The following ATF2 variants were observed in gnomAD, a reference collection of about 807,000 sequenced individuals.
The protein encoded by ATF2 is activating transcription factor 2, also known as cyclic AMP-dependent transcription factor ATF-2.
Under a neutral mutation model 60.6 loss-of-function variants are expected in ATF2, and 24 were observed. The observed-to-expected ratio is 0.40, with a 90% CI of 0.29 to 0.56. The LOEUF is 0.56. Ranked by LOEUF, ATF2 falls within the 20% of genes least tolerant of loss-of-function variation. ATF2 has a pLI of 0.54. For missense variants in ATF2, 433 were observed against 607.7 expected (o/e 0.71, Z 3.02); for synonymous variants, 206 against 215.4 (o/e 0.96, Z 0.38).
intron 10 of ATF2, among the ~76,000 whole-genome samples, chr2:175,097,824 A>G (rs1472989706): frequency 3.9e-5 from 6 of 152,284 alleles, no homozygotes; most frequent in African/African-American, 1.4e-4. Flanking sequence ...AAACCTGCAA[A>G]CAGAGATCAA....
At chr2:175,078,698 G>C (rs909985303) in intron 13 of ATF2, among the ~76,000 whole-genome samples, 1 of 152,168 alleles carries the variant, frequency 6.6e-6, no homozygotes, top group African/African-American at 2.4e-5. Flanking sequence ...GATTTAGCTA[G>C]TATTACAACT....
At chr2:175,118,471 G>T in intron 5 of ATF2, 102 bp from the exon 6 acceptor site, 1 of 959,700 alleles carries the variant, frequency 1.0e-6, no homozygotes, top group Non-Finnish European at 1.5e-6. Context: ...TCAGTCAGTT[G>T]TTAATTCTCT....
At chr2:175,103,613 C>A (rs778914896) in intron 10 of ATF2, among the ~76,000 whole-genome samples, 16 of 151,594 alleles carry the variant, frequency 1.1e-4, no homozygotes, top group Non-Finnish European at 1.5e-4. Flanking sequence ...AGTAGAAACC[C>A]CCTGCAGAAA....
At chr2:175,141,510 C>T (rs945368429) in intron 2 of ATF2, among the ~76,000 whole-genome samples, 38 of 151,130 alleles carry the variant, frequency 2.5e-4, no homozygotes, top group Non-Finnish European at 2.4e-4. Context: ...TTTTTCTTTT[C>T]GGGACGGAGT....
chr2:175,111,768 T>C (rs1696207590), intron 9 of ATF2, 114 bp from the exon 10 acceptor site: 1 of 870,410 alleles, frequency 1.1e-6, no homozygotes. Context: ...TGTAAATTTA[T>C]CACCAGCTGA....
At chr2:175,076,279 C>T (rs1045931505) in intron 13 of ATF2, among the ~76,000 whole-genome samples, 1 of 152,104 alleles carries the variant, frequency 6.6e-6, no homozygotes, top group Non-Finnish European at 1.5e-5. Flanking sequence ...CCCATCTTCT[C>T]TATAACATGC....
chr2:175,168,138 T>TGAACGGCACTTTAAAGGCC lies in ATF2; in HGVS notation c.-250_-232dup, dbSNP rs1700497075. ...ACAAAGCACCCCTGGAGGAAAAGGC[T>TGAACGGCACTTTAAAGGCC]GAACGGCACTTTAAAGGCCACGGGC... On this transcript the variant is annotated 5_prime_UTR_variant, in exon 1 of 14. Transcript: ENST00000264110. The TGAACGGCACTTTAAAGGCC allele has an allele frequency of 6.4e-6, 1 of 156,108 alleles. No individual in the cohort carries two copies. The allele number at this position is 156,108 out of a possible 1,614,324, so 9.7% of individuals were successfully genotyped here.
chr2:175,149,412 A>T (rs1699160136), intron 2 of ATF2, among the ~76,000 whole-genome samples: 1 of 152,238 alleles, frequency 6.6e-6, no homozygotes, highest in East Asian at 1.9e-4. Flanking sequence ...CTCTGTAGTA[A>T]GAAATTGAAA....
chr2:175,097,775 A>G (rs1695034816), intron 10 of ATF2, among the ~76,000 whole-genome samples, 182 bp from the exon 11 acceptor site: 1 of 152,192 alleles, frequency 6.6e-6, no homozygotes, highest in African/African-American at 2.4e-5. Context: ...GGCCTTAAAA[A>G]TGTAACATCA....
rs766797563 is a variant in ATF2 at position 175,111,553 on chromosome 2, T to C, written c.828+15A>G. 3.7e-6 allele frequency: 6 copies of C among 1,602,066 alleles called. No individual in the cohort carries two copies. The East Asian group carries it at 1.3e-4, about 36-fold the overall frequency. On this transcript the variant is annotated intron_variant, in intron 10 of 13. Coordinates refer to ENST00000264110, the MANE Select transcript of ATF2 (RefSeq NM_001880.4). Reference sequence around the variant, plus strand: ...AGCCTCAAGCAATGTACAGAACAAATAAAATCTGGCTTACCATTTTTGCTT... The same window carrying C: ...AGCCTCAAGCAATGTACAGAACAAACAAAATCTGGCTTACCATTTTTGCTT...
chr2:175,139,919 T>C (rs543040220), intron 2 of ATF2, among the ~76,000 whole-genome samples: 50 of 152,138 alleles, frequency 3.3e-4, no homozygotes, highest in Admixed American at 7.2e-4. Flanking sequence ...TACTCACTCA[T>C]GAACATAAAG....
chr2:175,149,482 A>G (rs1393231782), intron 2 of ATF2, among the ~76,000 whole-genome samples: 2 of 152,258 alleles, frequency 1.3e-5, no homozygotes, highest in Admixed American at 6.5e-5. Flanking sequence ...TAATAAAAGT[A>G]TAGAAGATGG....
intron 13 of ATF2, chr2:175,075,092 A>C: frequency 7.7e-7 from 1 of 1,297,652 alleles, no homozygotes; most frequent in Non-Finnish European, 9.9e-7. Context: ...TATTTGCTAA[A>C]TAGTGTTAAA....
chr2:175,086,260 G>T (rs972390182), intron 12 of ATF2, among the ~76,000 whole-genome samples: 1 of 152,044 alleles, frequency 6.6e-6, no homozygotes, highest in Non-Finnish European at 1.5e-5. Flanking sequence ...TCTAATAGTC[G>T]ATTTCATTAA....
At chr2:175,139,139 T>C (rs1698330457) in intron 2 of ATF2, among the ~76,000 whole-genome samples, 1 of 152,222 alleles carries the variant, frequency 6.6e-6, no homozygotes, top group South Asian at 2.1e-4. Context: ...CTATTATTTC[T>C]ACTGTTATTA....
At chr2:175,115,594 G>A (rs1696497853) in intron 7 of ATF2, among the ~76,000 whole-genome samples, 1 of 152,112 alleles carries the variant, frequency 6.6e-6, no homozygotes, top group Non-Finnish European at 1.5e-5. Context: ...TGGGTCTATG[G>A]TGTTTTATGA....
intron 9 of ATF2, among the ~76,000 whole-genome samples, chr2:175,112,794 A>G (rs1696289368): frequency 6.6e-6 from 1 of 152,180 alleles, no homozygotes; most frequent in Admixed American, 6.5e-5. Flanking sequence ...CATGTTGCCC[A>G]GCCTGGTCTT....
At chr2:175,118,897 A>G (rs1696764929) in intron 5 of ATF2, among the ~76,000 whole-genome samples, 1 of 151,610 alleles carries the variant, frequency 6.6e-6, no homozygotes, top group African/African-American at 2.4e-5. Context: ...AACAGCCCTA[A>G]AACAACAAAC....
At chr2:175,143,799 C>T (rs1176001121) in intron 2 of ATF2, among the ~76,000 whole-genome samples, 5 of 151,682 alleles carry the variant, frequency 3.3e-5, no homozygotes, top group East Asian at 1.9e-4. Flanking sequence ...GCCCAGCCCC[C>T]GCCTTTTTTT....
Sources: allele counts gnomAD v4.1 joint callset (sites outside exome capture counted in the v4.1 genomes callset), GRCh38; gene constraint gnomAD v4.1.1; transcripts MANE v1.5; gene names NCBI Gene and HGNC (gene_info 2026-07-23, HGNC 2026-07-21).